Variants in FAM177A1 observed in about 807,000 individuals in gnomAD.
The protein encoded by FAM177A1 is family with sequence similarity 177 member A1.
A neutral mutation model predicts 26.1 loss-of-function variants in FAM177A1; 22 were observed. The observed-to-expected ratio is 0.84, with a 90% CI of 0.60 to 1.20. The LOEUF is 1.20. Among genes scored for constraint, FAM177A1 ranks in the 50% most tolerant of loss-of-function variants. The pLI is 0.00. For synonymous variants in FAM177A1, 95 were observed against 99.3 expected (o/e 0.96, Z 0.26); for missense variants, 296 against 291.1 (o/e 1.02, Z -0.12).
At chr14:35,051,183 G>A (rs913560645) in intron 1 of FAM177A1, among the ~76,000 whole-genome samples, 1 of 152,098 alleles carries the variant, frequency 6.6e-6, no homozygotes, top group African/African-American at 2.4e-5. Flanking sequence ...GCAGTGGCAC[G>A]ATCTCAGCTC....
intron 2 of FAM177A1, among the ~76,000 whole-genome samples, chr14:35,055,749 CCTGA>C (rs1244509970): frequency 1.3e-5 from 2 of 152,066 alleles, no homozygotes; most frequent in African/African-American, 2.4e-5. Context: ...TGGGGAACTG[CCTGA>C]CTGTTTTCCA....
At chr14:35,052,296 G>A (rs762305939) in intron 1 of FAM177A1, among the ~76,000 whole-genome samples, 6 of 151,410 alleles carry the variant, frequency 4.0e-5, no homozygotes, top group Non-Finnish European at 5.9e-5. Context: ...CCAGACTGGA[G>A]TGCAGTGGCG....
chr14:35,070,319 C>T (rs531550597), intron 2 of FAM177A1, among the ~76,000 whole-genome samples: 5 of 151,204 alleles, frequency 3.3e-5, no homozygotes, highest in African/African-American at 4.9e-5. Flanking sequence ...CCACCGTGTC[C>T]GGCCTATAAC....
chr14:35,051,871 A>G (rs919311875), intron 1 of FAM177A1, among the ~76,000 whole-genome samples: 2 of 152,246 alleles, frequency 1.3e-5, no homozygotes, highest in Admixed American at 6.5e-5. Context: ...TTATACTTGC[A>G]TAACTGGGCA....
intron 1 of FAM177A1, among the ~76,000 whole-genome samples, chr14:35,049,331 C>T (rs1399294078): frequency 6.6e-6 from 1 of 152,208 alleles, no homozygotes; most frequent in Non-Finnish European, 1.5e-5. Flanking sequence ...CAAGCACTTA[C>T]TATGTGCCAG....
intron 2 of FAM177A1, among the ~76,000 whole-genome samples, chr14:35,059,827 G>A (rs1485784288): frequency 2.6e-5 from 4 of 152,062 alleles, no homozygotes; most frequent in Non-Finnish European, 4.4e-5. Flanking sequence ...GATTACAGGC[G>A]TGAGCCACCA....
chr14:35,047,917 A>C (rs1027017419), intron 1 of FAM177A1, among the ~76,000 whole-genome samples: 7 of 152,198 alleles, frequency 4.6e-5, no homozygotes, highest in Admixed American at 2.6e-4. Context: ...CTGTGAGTAT[A>C]TCTCTGTGTA....
chr14:35,054,952 G>A (rs2045035224), intron 2 of FAM177A1: 1 of 151,596 alleles, frequency 6.6e-6, no homozygotes, highest in Non-Finnish European at 1.5e-5. Flanking sequence ...ACTCCAGCCT[G>A]GGCAATAAGA....
chr14:35,062,558 A>C (rs2045174701), intron 2 of FAM177A1, among the ~76,000 whole-genome samples: 1 of 152,210 alleles, frequency 6.6e-6, no homozygotes, highest in Admixed American at 6.6e-5. Context: ...CCATGATTAC[A>C]AAGAAGAGAG....
At chr14:35,080,511 C>T (rs1419578203) in intron 4 of FAM177A1, among the ~76,000 whole-genome samples, 1 of 152,048 alleles carries the variant, frequency 6.6e-6, no homozygotes, top group Non-Finnish European at 1.5e-5. Context: ...AAAAAGTAAC[C>T]TCTTTTGGGC....
chr14:35,044,979 G>A (rs2044840019), upstream of FAM177A1: 1 of 152,018 alleles, frequency 6.6e-6, no homozygotes, highest in African/African-American at 2.4e-5. Flanking sequence ...ATCCCACAAA[G>A]TTTTAGTAAT....
intron 2 of FAM177A1, among the ~76,000 whole-genome samples, chr14:35,072,284 G>T (rs908133336): frequency 6.6e-6 from 1 of 151,854 alleles, no homozygotes; most frequent in Admixed American, 6.6e-5. Context: ...AAGGAAAGGG[G>T]AAAGGAAAGG....
intron 1 of FAM177A1, among the ~76,000 whole-genome samples, chr14:35,048,173 A>G (rs1361715506): frequency 6.6e-6 from 1 of 152,226 alleles, no homozygotes; most frequent in African/African-American, 2.4e-5. Context: ...TATTGTTGGC[A>G]AGTGCACTTA....
Position 35,046,393 on chromosome 14 carries a change from C to G in FAM177A1, c.-71C>G. 7.7e-7 allele frequency: 1 copy of G among 1,302,474 alleles called. No homozygotes were observed. Among genetic ancestry groups the G allele is most frequent in the East Asian group, 3.3e-5 (1 of 30,304 alleles). 80.7% of individuals were successfully genotyped at this position (1,302,474 alleles called of 1,614,324 possible). Reference sequence around the variant, plus strand: ...AGACTTGGCTAGGCGCGGCGCGAGGCGGGCGCTGGGCGGGTGAGTCCCACT... The same window carrying G: ...AGACTTGGCTAGGCGCGGCGCGAGGGGGGCGCTGGGCGGGTGAGTCCCACT... On this transcript the variant is annotated 5_prime_UTR_variant, in exon 1 of 5. Coordinates refer to ENST00000280987, the MANE Select transcript of FAM177A1 (RefSeq NM_173607.5).
At chr14:35,064,800 C>T (rs1011177437) in intron 2 of FAM177A1, among the ~76,000 whole-genome samples, 8 of 151,910 alleles carry the variant, frequency 5.3e-5, no homozygotes, top group African/African-American at 1.7e-4. Flanking sequence ...TGCAGGCACC[C>T]GCCACCATGA....
At chr14:35,066,610 G>A (rs951226086) in intron 2 of FAM177A1, among the ~76,000 whole-genome samples, 8 of 151,444 alleles carry the variant, frequency 5.3e-5, no homozygotes, top group Admixed American at 3.3e-4. Flanking sequence ...TCACCATGAT[G>A]GCTAGGCTGG....
At chr14:35,052,249 CT>C (rs1299449498) in intron 1 of FAM177A1, among the ~76,000 whole-genome samples, 22 of 147,002 alleles carry the variant, frequency 1.5e-4, no homozygotes, top group Non-Finnish European at 2.0e-4. Flanking sequence ...AGGCAGTTTT[CT>C]TTTTTTTTTT....
chr14:35,052,121 C>A (rs774080639), intron 1 of FAM177A1, among the ~76,000 whole-genome samples: 20 of 152,200 alleles, frequency 1.3e-4, no homozygotes, highest in Non-Finnish European at 2.4e-4. Flanking sequence ...TTTGACTACT[C>A]CCTTGCCTTC....
At chr14:35,077,063 C>A in intron 2 of FAM177A1, 87 bp from the exon 3 acceptor site, 1 of 1,005,804 alleles carries the variant, frequency 9.9e-7, no homozygotes, top group Non-Finnish European at 1.6e-6. Context: ...TTCTCGGTGC[C>A]TACCAAGTAT....
Sources: gnomAD v4.1 joint callset for allele counts (sites outside exome capture counted in the v4.1 genomes callset) on GRCh38, gnomAD v4.1.1 for gene constraint, MANE v1.5 for transcripts, NCBI Gene and HGNC (gene_info 2026-07-23, HGNC 2026-07-21) for gene names.